Variants in PRR5L observed in about 807,000 individuals in gnomAD.
PRR5L encodes the protein proline-rich protein 5-like.
PRR5L carries 21 observed loss-of-function variants against 36.4 expected under a neutral mutation model. The observed-to-expected ratio is 0.58, with a 90% confidence interval of 0.41 to 0.83. The LOEUF is 0.83. Ranked by LOEUF, PRR5L falls within the 40% of genes least tolerant of loss-of-function variation. The pLI is 0.00. For missense variants in PRR5L, 381 were observed against 473.3 expected (o/e 0.80, Z 1.81); for synonymous variants, 188 against 197.0 (o/e 0.95, Z 0.38).
chr11:36,337,379 G>A (rs1202634217), intron 1 of PRR5L, among the ~76,000 whole-genome samples: 1 of 151,924 alleles, frequency 6.6e-6, no homozygotes, highest in Admixed American at 6.6e-5. Context: ...GAAGCAGTGA[G>A]CAAGACTTCA....
At chr11:36,349,043 G>A (rs1024721792) in intron 1 of PRR5L, among the ~76,000 whole-genome samples, 26 of 152,118 alleles carry the variant, frequency 1.7e-4, no homozygotes, top group Admixed American at 1.6e-3. Context: ...CCATCACTTT[G>A]GGAGACGAAG....
intron 8 of PRR5L, among the ~76,000 whole-genome samples, chr11:36,461,610 C>G (rs1242435951): frequency 1.2e-5 from 1 of 82,992 alleles, no homozygotes; most frequent in Non-Finnish European, 2.4e-5. Flanking sequence ...GTAACAAGAG[C>G]AAAACTGTCT....
At chr11:36,326,294 C>G (rs1430171031) in intron 1 of PRR5L, among the ~76,000 whole-genome samples, 3 of 116,576 alleles carry the variant, frequency 2.6e-5, no homozygotes, top group Non-Finnish European at 5.3e-5. Context: ...GTGTGTCTCC[C>G]CAATAGATAC....
At chr11:36,370,877 T>G (rs1480433699) in intron 1 of PRR5L, among the ~76,000 whole-genome samples, 1 of 2,018 alleles carries the variant, frequency 5.0e-4, no homozygotes, top group African/African-American at 7.6e-4. Flanking sequence ...GGAGACTCCA[T>G]CTCAAAAAAA....
intron 1 of PRR5L, among the ~76,000 whole-genome samples, chr11:36,313,400 G>A (rs992007852): frequency 4.6e-5 from 7 of 152,134 alleles, no homozygotes; most frequent in Admixed American, 2.6e-4. Flanking sequence ...GCCAATATTC[G>A]GGGCTCAAAG....
At chr11:36,438,147 C>T (rs746183354) in intron 6 of PRR5L, among the ~76,000 whole-genome samples, 1 of 152,192 alleles carries the variant, frequency 6.6e-6, no homozygotes, top group Non-Finnish European at 1.5e-5. Context: ...TACCCTTGCC[C>T]CCTTGTCTCT....
intron 1 of PRR5L, chr11:36,350,197 GGT>G (rs1160260875): frequency 8.1e-6 from 1 of 122,720 alleles, no homozygotes; most frequent in African/African-American, 3.0e-5. Context: ...AGGGTGGGTG[GGT>G]GTGAGTGTGT....
At chr11:36,359,397 G>C (rs1340884795) in intron 1 of PRR5L, among the ~76,000 whole-genome samples, 1 of 152,164 alleles carries the variant, frequency 6.6e-6, no homozygotes, top group Non-Finnish European at 1.5e-5. Flanking sequence ...ATTTATACAA[G>C]TGTATACTAT....
chr11:36,412,520 G>A lies in PRR5L; in HGVS notation c.246-6735G>A, dbSNP rs377024215. On this transcript the variant is annotated intron_variant, in intron 3 of 8. Transcript: ENST00000530639. Reference sequence around the variant, plus strand: ...AGGAAGGCTGCCAGATTCTAGGCCTGAGCCTCAAAGGAGCTTATGGCCTAG... The same window carrying A: ...AGGAAGGCTGCCAGATTCTAGGCCTAAGCCTCAAAGGAGCTTATGGCCTAG... Among the ~76,000 whole-genome samples the A allele has an allele frequency of 6.8e-4, 103 of 152,276 alleles. No individual in the cohort carries two copies. In the South Asian group the frequency reaches 0.021, roughly 31 times the overall value.
At chr11:36,444,708 T>A (rs1306693429) in intron 6 of PRR5L, among the ~76,000 whole-genome samples, 1 of 152,184 alleles carries the variant, frequency 6.6e-6, no homozygotes, top group African/African-American at 2.4e-5. Flanking sequence ...CTGTTCTAGT[T>A]TCTAGAAGGT....
chr11:36,372,679 G>A (rs766105211), intron 1 of PRR5L, among the ~76,000 whole-genome samples: 1 of 152,134 alleles, frequency 6.6e-6, no homozygotes, highest in East Asian at 1.9e-4. Flanking sequence ...GAAACTGCAC[G>A]TTCTCCCTAA....
intron 4 of PRR5L, among the ~76,000 whole-genome samples, chr11:36,425,042 G>A (rs960448926): frequency 2.0e-5 from 3 of 152,084 alleles, no homozygotes; most frequent in East Asian, 1.9e-4. Context: ...GGCTGGTCTC[G>A]AACTCCTGAC....
At chr11:36,355,163 G>A (rs930592482) in intron 1 of PRR5L, among the ~76,000 whole-genome samples, 8 of 152,178 alleles carry the variant, frequency 5.3e-5, no homozygotes, top group Non-Finnish European at 1.2e-4. Context: ...ACAGGTTTAC[G>A]AATTGATCCA....
At chr11:36,311,692 A>T (rs1289364148) in intron 1 of PRR5L, among the ~76,000 whole-genome samples, 1 of 152,142 alleles carries the variant, frequency 6.6e-6, no homozygotes, top group African/African-American at 2.4e-5. Flanking sequence ...ATCTTTTCAC[A>T]CAGGGGCTTT....
chr11:36,452,347 C>T (rs1032193143), intron 8 of PRR5L, among the ~76,000 whole-genome samples: 1 of 152,174 alleles, frequency 6.6e-6, no homozygotes, highest in Non-Finnish European at 1.5e-5. Flanking sequence ...AAGAAAGGAG[C>T]GTCCTCCAGT....
intron 8 of PRR5L, among the ~76,000 whole-genome samples, chr11:36,457,191 C>T (rs544015203): frequency 6.6e-6 from 1 of 152,300 alleles, no homozygotes; most frequent in Admixed American, 6.5e-5. Flanking sequence ...CTCGATTTAC[C>T]CTCTGTCTTC....
At chr11:36,397,774 C>T (rs1857696740) in intron 1 of PRR5L, among the ~76,000 whole-genome samples, 1 of 151,194 alleles carries the variant, frequency 6.6e-6, no homozygotes, top group East Asian at 2.0e-4. Context: ...TCTTTTCCTT[C>T]ATCTTTTTCT....
At chr11:36,366,544 A>G (rs1004606286) in intron 1 of PRR5L, among the ~76,000 whole-genome samples, 1 of 152,316 alleles carries the variant, frequency 6.6e-6, no homozygotes, top group East Asian at 1.9e-4. Context: ...CCTATTAATG[A>G]CATCTCTTTT....
chr11:36,315,987 A>G (rs533908450), intron 1 of PRR5L, among the ~76,000 whole-genome samples: 1 of 152,182 alleles, frequency 6.6e-6, no homozygotes, highest in Non-Finnish European at 1.5e-5. Flanking sequence ...GTTCATGGAG[A>G]TGGAGCCTGG....
Sources: allele counts gnomAD v4.1 joint callset (sites outside exome capture counted in the v4.1 genomes callset), GRCh38; gene constraint gnomAD v4.1.1; transcripts MANE v1.5; gene names NCBI Gene and HGNC (gene_info 2026-07-23, HGNC 2026-07-21).